The following BBS12 variants were observed in gnomAD, a reference collection of about 807,000 sequenced individuals.
BBS12 encodes the protein chaperonin-containing T-complex member BBS12.
BBS12 carries 5 observed loss-of-function variants against 5.6 expected under a neutral mutation model. The observed-to-expected ratio is 0.89, with a 90% confidence interval of 0.46 to 1.86. BBS12 has a LOEUF of 1.86. Ranked by LOEUF, BBS12 falls within the 40% of genes most tolerant of loss-of-function variation. BBS12 has a pLI of 0.01. For synonymous variants in BBS12, 308 were observed against 306.8 expected, an observed-to-expected ratio of 1.00 and a Z score of -0.04; for missense variants, 748 against 830.4, an observed-to-expected ratio of 0.90 and a Z score of 1.22.
chr4:122,709,007 AAAC>A, the BBS12 span, among the ~76,000 whole-genome samples: 2 of 152,156 alleles, frequency 1.3e-5, no homozygotes, highest in East Asian at 3.8e-4. Flanking sequence ...TAAGAAAGCA[AAAC>A]AACACCAAGA....
chr4:122,712,522 C>T, the BBS12 span, among the ~76,000 whole-genome samples: 21 of 152,296 alleles, frequency 1.4e-4, no homozygotes, highest in South Asian at 6.2e-4. Context: ...ACCAGTCTTT[C>T]GAATGGACTG....
intron 1 of BBS12, among the ~76,000 whole-genome samples, chr4:122,738,691 A>G (rs1226417860): frequency 6.6e-6 from 1 of 152,230 alleles, no homozygotes; most frequent in East Asian, 1.9e-4. Context: ...CTATTTTTAA[A>G]TGGTCAAAAG....
intron 1 of BBS12, among the ~76,000 whole-genome samples, chr4:122,741,376 G>A (rs530016789): frequency 1.3e-5 from 2 of 152,240 alleles, no homozygotes; most frequent in Non-Finnish European, 2.9e-5. Flanking sequence ...TAGTAGAGAC[G>A]AGGTTTCGCC....
chr4:122,706,459 G>A, the BBS12 span, among the ~76,000 whole-genome samples: 1 of 152,078 alleles, frequency 6.6e-6, no homozygotes, highest in Non-Finnish European at 1.5e-5. Context: ...AGGGATCAGG[G>A]GTAACCAGCA....
Position 122,741,971 on chromosome 4 carries a change from A to G in BBS12, c.79A>G (p.Arg27Gly), listed in dbSNP as rs752533681. 1.1e-5 allele frequency: 18 copies of G among 1,613,578 alleles called. No individual in the cohort carries two copies. In the East Asian group the frequency reaches 2.9e-4, roughly 26 times the overall value. Residue 27 changes from arginine (R) to glycine (G), a missense_variant, in exon 2 of 2, where the codon AGA becomes GGA. Coordinates refer to ENST00000314218, the MANE Select transcript of BBS12 (RefSeq NM_152618.3). Reference sequence around the variant, plus strand: ...ACTTTCATCATTCGCGGAAACAGGAAGAACTTTCCTAGGCCCACTAAAATC... The same window carrying G: ...ACTTTCATCATTCGCGGAAACAGGAGGAACTTTCCTAGGCCCACTAAAATC... The part of the protein sequence containing the change: ...QQLSSFAETG[R>G]TFLGPLKSSK...
the BBS12 span, among the ~76,000 whole-genome samples, chr4:122,717,305 C>T: frequency 6.6e-6 from 1 of 152,190 alleles, no homozygotes; most frequent in Non-Finnish European, 1.5e-5. Flanking sequence ...AGTCTCTGAT[C>T]TTCCAAGTAT....
chr4:122,712,265 T>A, the BBS12 span, among the ~76,000 whole-genome samples: 1 of 152,224 alleles, frequency 6.6e-6, no homozygotes, highest in Non-Finnish European at 1.5e-5. Flanking sequence ...ACACATATCC[T>A]ATTGGTTCTG....
chr4:122,739,000 TA>T (rs1191932388), intron 1 of BBS12, among the ~76,000 whole-genome samples: 2 of 152,214 alleles, frequency 1.3e-5, no homozygotes, highest in African/African-American at 2.4e-5. Context: ...AGGTGGGCCC[TA>T]AATCCAATGA....
At chr4:122,717,080 G>C in the BBS12 span, among the ~76,000 whole-genome samples, 6 of 152,066 alleles carry the variant, frequency 3.9e-5, no homozygotes, top group Non-Finnish European at 7.4e-5. Context: ...TATTCCAGTG[G>C]GTAAGCCAAA....
the BBS12 span, among the ~76,000 whole-genome samples, chr4:122,706,171 G>A: frequency 6.6e-6 from 1 of 152,026 alleles, no homozygotes; most frequent in Non-Finnish European, 1.5e-5. Context: ...AGTCTGCTCT[G>A]CACTTTCTCT....
chr4:122,733,201 G>A (rs1578483965), intron 1 of BBS12, among the ~76,000 whole-genome samples: 3 of 152,268 alleles, frequency 2.0e-5, no homozygotes, highest in Admixed American at 1.3e-4. Flanking sequence ...AGTGGCATGG[G>A]GTAACAGTGT....
Position 122,742,279 on chromosome 4 carries a change from T to C in BBS12, c.387T>C (p.Ser129=). Residue 129 remains serine, a synonymous_variant, in exon 2 of 2, where the codon TCT becomes TCC. Transcript: ENST00000314218. ...ACTTTTGTAGTGAAGAGGTAGTTTC[T>C]CTTCATGTACCTGTTCACAATATAT... ...GLNFCSEEVV[S]LHVPVHNIFD... is the part of the protein sequence containing the mutation. The C allele has an allele frequency of 6.2e-7, 1 of 1,613,874 alleles. No individual in the cohort carries two copies.
rs1446152235 is a variant in BBS12 at position 122,742,089 on chromosome 4, T to A, written c.197T>A (p.Val66Glu). ...GAAAGTTTGGATTTAACCAGTGCAG[T>A]GGGACAACTTCTCAATGAAGCAGTT... ...LLESLDLTSAVGQLLNEAVQA... is the reference protein window; with the variant it reads ...LLESLDLTSAEGQLLNEAVQA... Residue 66 changes from valine (V) to glutamate (E), a missense_variant, in exon 2 of 2, where the codon GTG becomes GAG. Coordinates refer to ENST00000314218, the MANE Select transcript of BBS12 (RefSeq NM_152618.3). The A allele has an allele frequency of 6.2e-7, 1 of 1,614,176 alleles. No homozygotes were observed. The highest frequency in any genetic ancestry group is 8.5e-7 in the Non-Finnish European group (1 of 1,180,022).
the BBS12 span, among the ~76,000 whole-genome samples, chr4:122,719,274 G>A: frequency 2.0e-5 from 3 of 152,100 alleles, no homozygotes; most frequent in Non-Finnish European, 4.4e-5. Flanking sequence ...GCACCAATCA[G>A]CACTCTGTAA....
the BBS12 span, among the ~76,000 whole-genome samples, chr4:122,716,543 G>GTATATATAAACATA: frequency 1.8e-5 from 2 of 108,722 alleles, no homozygotes; most frequent in African/African-American, 6.9e-5. Flanking sequence ...ATATACATAT[G>GTATATATAAACATA]TGTATATATA....
upstream of BBS12, chr4:122,732,407 C>A (rs1257242407): frequency 1.3e-5 from 2 of 152,432 alleles, no homozygotes; most frequent in Non-Finnish European, 2.9e-5. Flanking sequence ...AAGGTTACAG[C>A]TTCACACTCA....
At chr4:122,716,625 A>G in the BBS12 span, among the ~76,000 whole-genome samples, 10 of 71,878 alleles carry the variant, frequency 1.4e-4, no homozygotes, top group Admixed American at 2.7e-4. Context: ...ATATGCACAT[A>G]CACATATGTA....
At chr4:122,710,043 C>G in the BBS12 span, among the ~76,000 whole-genome samples, 2 of 152,168 alleles carry the variant, frequency 1.3e-5, no homozygotes, top group African/African-American at 4.8e-5. Context: ...AAAAGCCAAA[C>G]AGCTTGATAT....
At chr4:122,716,609 G>A in the BBS12 span, among the ~76,000 whole-genome samples, 525 of 61,032 alleles carry the variant, frequency 8.6e-3, 8 homozygotes, top group African/African-American at 0.05. Flanking sequence ...ATACACACAT[G>A]TGTGTATATG....
Sources: allele counts gnomAD v4.1 joint callset (sites outside exome capture counted in the v4.1 genomes callset), GRCh38; gene constraint gnomAD v4.1.1; transcripts MANE v1.5; gene names NCBI Gene and HGNC (gene_info 2026-07-23, HGNC 2026-07-21).